The following PKNOX2 variants were observed in gnomAD, a reference collection of about 807,000 sequenced individuals.
The protein encoded by PKNOX2 is homeobox protein PKNOX2.
In PKNOX2, 14 loss-of-function variants were observed where a neutral mutation model predicts 53.1. The ratio of observed to expected loss-of-function variants is 0.26; its 90% CI spans 0.17 to 0.41. The LOEUF (loss-of-function observed/expected upper bound fraction) is 0.41, where lower values mean the gene tolerates loss of function less well. PKNOX2 is among the 10% of genes least tolerant of loss of function. The pLI is 1.00. For missense variants in PKNOX2, 496 were observed against 602.8 expected (o/e 0.82, Z 1.85); for synonymous variants, 257 against 242.8 (o/e 1.06, Z -0.54).
intron 1 of PKNOX2, among the ~76,000 whole-genome samples, chr11:125,182,025 T>C (rs1453559103): frequency 6.6e-6 from 1 of 152,212 alleles, no homozygotes; most frequent in African/African-American, 2.4e-5. Context: ...GGGCTGCACT[T>C]AGGGGACAGG....
At chr11:125,254,097 T>G (rs1320953528) in intron 2 of PKNOX2, among the ~76,000 whole-genome samples, 1 of 152,128 alleles carries the variant, frequency 6.6e-6, no homozygotes, top group African/African-American at 2.4e-5. Context: ...CAAATGGAGA[T>G]GCGAACCACT....
At chr11:125,421,762 T>C (rs1244796534) in intron 10 of PKNOX2, among the ~76,000 whole-genome samples, 1 of 152,226 alleles carries the variant, frequency 6.6e-6, no homozygotes, top group East Asian at 1.9e-4. Flanking sequence ...TAGAAAATGA[T>C]AGTCAAGCCA....
At chr11:125,281,047 A>T (rs996004527) in intron 2 of PKNOX2, among the ~76,000 whole-genome samples, 4 of 152,170 alleles carry the variant, frequency 2.6e-5, no homozygotes, top group African/African-American at 9.7e-5. Flanking sequence ...CCAAAGGTGG[A>T]TCACACTCCA....
Position 125,166,516 on chromosome 11 carries a change from G to T in PKNOX2, c.-201+1740G>T, listed in dbSNP as rs1335248577. Among the ~76,000 whole-genome samples, 2 of 152,148 alleles carry T rather than the reference G, an allele frequency of 1.3e-5. No homozygotes were observed. Among genetic ancestry groups the T allele is most frequent in the Non-Finnish European group, 2.9e-5 (2 of 68,026 alleles). ...GGGCTGGGAGTGGATCTGAGGTCCC[G>T]ACCCAGGCGGCTCGGAGTGCTCCAG... On this transcript the variant is annotated intron_variant, in intron 1 of 12. Coordinates refer to ENST00000298282, the MANE Select transcript of PKNOX2 (RefSeq NM_001382323.2). This position sits in a 1 kb window ranked among gnomAD's most constrained non-coding sequence, Gnocchi z 4.0.
chr11:125,184,643 G>A (rs1288110843), intron 1 of PKNOX2, among the ~76,000 whole-genome samples: 1 of 152,182 alleles, frequency 6.6e-6, no homozygotes, highest in African/African-American at 2.4e-5. Context: ...TCCTTGCTGG[G>A]TAGAGGCTGG....
At chr11:125,367,037 A>G (rs1459601987) in intron 4 of PKNOX2, among the ~76,000 whole-genome samples, 2 of 152,232 alleles carry the variant, frequency 1.3e-5, no homozygotes, top group African/African-American at 4.8e-5. Context: ...GAGGCTTATC[A>G]TCATTCACAC....
rs938141687 is a variant in PKNOX2 at position 125,166,417 on chromosome 11, G to C, written c.-201+1641G>C. On this transcript the variant is annotated intron_variant, in intron 1 of 12. Coordinates refer to ENST00000298282, the MANE Select transcript of PKNOX2 (RefSeq NM_001382323.2). This position sits in a 1 kb window ranked among gnomAD's most constrained non-coding sequence, Gnocchi z 4.0. ...GAGGACTTGGGCCACACAGGACCCG[G>C]TCCTAAGAGAGCGATTCCGGGAAGC... Among the ~76,000 whole-genome samples the C allele has an allele frequency of 5.3e-5, 8 of 152,342 alleles. No individual in the cohort carries two copies. Among genetic ancestry groups the C allele is most frequent in the African/African-American group, 1.9e-4 (8 of 41,580 alleles).
chr11:125,394,554 C>T (rs139603489), intron 6 of PKNOX2, among the ~76,000 whole-genome samples: 249 of 152,332 alleles, frequency 1.6e-3, no homozygotes, highest in African/African-American at 5.7e-3. Flanking sequence ...ACTTGAAATG[C>T]CAATGAGGCT....
At chr11:125,247,338 G>C (rs1943639878) in intron 2 of PKNOX2, among the ~76,000 whole-genome samples, 1 of 152,106 alleles carries the variant, frequency 6.6e-6, no homozygotes, top group Non-Finnish European at 1.5e-5. Flanking sequence ...CATCTTCCTT[G>C]AGCTCACAGT....
chr11:125,183,571 G>A (rs1227060408), intron 1 of PKNOX2, among the ~76,000 whole-genome samples: 1 of 152,026 alleles, frequency 6.6e-6, no homozygotes, highest in Non-Finnish European at 1.5e-5. Context: ...TGCCACTGTA[G>A]CACACTCTCT....
Position 125,431,447 on chromosome 11 carries a change from GCCTTCA to G in PKNOX2, c.*56_*61del. On this transcript the variant is annotated 3_prime_UTR_variant, in exon 13 of 13. Transcript: ENST00000298282. ...AGCAGGAGAGGAGTGTCGCCGGGAGGCCTTCAGGGTGGGGGGGAAGGGGACATGGGC... is the reference window on the plus strand; with the variant it reads ...AGCAGGAGAGGAGTGTCGCCGGGAGGGGGTGGGGGGGAAGGGGACATGGGC... The G allele has an allele frequency of 6.4e-6, 3 of 468,440 alleles. No homozygotes were observed. The highest frequency in any genetic ancestry group is 4.1e-5 in the South Asian group (2 of 49,316). The allele number at this position is 468,440 out of a possible 1,614,324, so 29.0% of individuals were successfully genotyped here. A position where few individuals can be genotyped will look rare whatever the true frequency, so the allele number is the denominator to read the frequency against.
intron 2 of PKNOX2, among the ~76,000 whole-genome samples, chr11:125,318,348 T>C (rs1163716508): frequency 6.6e-6 from 1 of 151,424 alleles, no homozygotes; most frequent in Admixed American, 6.6e-5. Context: ...CTCAAACTCC[T>C]GACCTCAGGT....
chr11:125,410,545 G>A (rs1955444087), intron 8 of PKNOX2: 3 of 705,782 alleles, frequency 4.3e-6, no homozygotes, highest in Non-Finnish European at 7.0e-6. Flanking sequence ...GAGCCCCTGA[G>A]AGGACCAAGT....
chr11:125,332,742 C>T (rs1235742540), intron 3 of PKNOX2: 2 of 152,152 alleles, frequency 1.3e-5, no homozygotes, highest in Non-Finnish European at 2.9e-5. Flanking sequence ...CATCAGTCTC[C>T]ATTTTGGCAG....
intron 2 of PKNOX2, among the ~76,000 whole-genome samples, chr11:125,307,125 C>T (rs1194426091): frequency 6.6e-6 from 1 of 152,162 alleles, no homozygotes; most frequent in Non-Finnish European, 1.5e-5. Flanking sequence ...GTTTGTACAT[C>T]GTAGTCTTCT....
intron 6 of PKNOX2, among the ~76,000 whole-genome samples, chr11:125,391,086 G>A (rs552666868): frequency 1.1e-4 from 17 of 152,286 alleles, no homozygotes; most frequent in East Asian, 3.9e-4. Flanking sequence ...TCTTCTGTCC[G>A]TGAGGGAGAA....
intron 2 of PKNOX2, among the ~76,000 whole-genome samples, chr11:125,261,836 G>C (rs1014280848): frequency 7.9e-5 from 12 of 152,244 alleles, no homozygotes; most frequent in Non-Finnish European, 1.6e-4. Flanking sequence ...GAAAAAGGTG[G>C]TGTAAGTGCA....
At chr11:125,210,200 G>A (rs1312370926) in intron 1 of PKNOX2, among the ~76,000 whole-genome samples, 2 of 152,124 alleles carry the variant, frequency 1.3e-5, no homozygotes, top group South Asian at 2.1e-4. Context: ...GTCCTGAAGA[G>A]TCCATCCCAT....
intron 1 of PKNOX2, among the ~76,000 whole-genome samples, chr11:125,217,805 C>T (rs369193907): frequency 2.5e-4 from 38 of 152,248 alleles, no homozygotes; most frequent in African/African-American, 8.7e-4. Context: ...GAGATAATTA[C>T]GCTTGTTTCA....
Sources: gnomAD v4.1 joint callset for allele counts (sites outside exome capture counted in the v4.1 genomes callset) on GRCh38, gnomAD v4.1.1 for gene constraint, Gnocchi (gnomAD v3.1) non-coding constraint, MANE v1.5 for transcripts, NCBI Gene and HGNC (gene_info 2026-07-23, HGNC 2026-07-21) for gene names.